TMEM196: variants seen among roughly 807,000 people sequenced by gnomAD.
TMEM196 encodes transmembrane protein 196.
In TMEM196, 17 loss-of-function variants were observed where a neutral mutation model predicts 20.0. The observed-to-expected ratio is 0.85, with a 90% CI of 0.58 to 1.27. The LOEUF (loss-of-function observed/expected upper bound fraction) is 1.27. Ranked by LOEUF, TMEM196 falls within the 50% of genes most tolerant of loss-of-function variation. The pLI is 0.00. For synonymous variants in TMEM196, 113 were observed against 88.9 expected (o/e 1.27, Z -1.52); for missense variants, 267 against 223.0 (o/e 1.20, Z -1.26).
chr7:19,749,285 G>T (rs1784873695), intron 1 of TMEM196, among the ~76,000 whole-genome samples: 1 of 152,176 alleles, frequency 6.6e-6, no homozygotes, highest in South Asian at 2.1e-4. Flanking sequence ...GATACGGAGA[G>T]AGCCAATCAA....
Position 19,772,817 on chromosome 7 carries a change from A to G in TMEM196, c.-121T>C. On this transcript the variant is annotated 5_prime_UTR_variant, in exon 1 of 5. Transcript: ENST00000405844. ...AGATCCCAAAACTTTTCTTTCTTCA[A>G]GAGCGAGGCATTATCCACAAGGGCT... 9.9e-7 allele frequency: 1 copy of G among 1,010,356 alleles called. No individual in the cohort carries two copies. The highest frequency in any genetic ancestry group is 1.3e-6 in the Non-Finnish European group (1 of 766,276). 62.6% of individuals were successfully genotyped at this position (1,010,356 alleles called of 1,614,324 possible).
intron 4 of TMEM196, among the ~76,000 whole-genome samples, chr7:19,722,479 T>C (rs1477249858): frequency 6.6e-6 from 1 of 152,142 alleles, no homozygotes; most frequent in Non-Finnish European, 1.5e-5. Context: ...TTCTAATGCA[T>C]AGACTCTGCT....
intron 1 of TMEM196, among the ~76,000 whole-genome samples, chr7:19,739,036 T>A (rs1020694189): frequency 1.3e-5 from 2 of 152,158 alleles, no homozygotes; most frequent in Non-Finnish European, 2.9e-5. Context: ...ATCATGTTGA[T>A]GGTACATATC....
chr7:19,764,770 T>G (rs533720816), intron 1 of TMEM196, among the ~76,000 whole-genome samples: 1 of 152,152 alleles, frequency 6.6e-6, no homozygotes, highest in Non-Finnish European at 1.5e-5. Context: ...TGCAAAATTC[T>G]GGTAACATGG....
intron 1 of TMEM196, among the ~76,000 whole-genome samples, chr7:19,735,305 G>A (rs1251607465): frequency 5.3e-5 from 8 of 152,034 alleles, no homozygotes; most frequent in Non-Finnish European, 1.0e-4. Flanking sequence ...TAAATAATTC[G>A]AATAAAGTCA....
At chr7:19,745,931 G>C (rs544394551) in intron 1 of TMEM196, among the ~76,000 whole-genome samples, 51 of 151,938 alleles carry the variant, frequency 3.4e-4, no homozygotes, top group African/African-American at 1.1e-3. Context: ...AAATAACTCA[G>C]AGGACCTATA....
chr7:19,721,330 T>A lies in TMEM196; in HGVS notation c.*798A>T, dbSNP rs1783806098. On this transcript the variant is annotated 3_prime_UTR_variant, in exon 5 of 5. Transcript: ENST00000405844. ...TATAATATATGCTGTATACATGTTC[T>A]ATATTTACAGTATGTATACACACAT... The A allele has an allele frequency of 6.6e-6, 1 of 151,984 alleles. No individual in the cohort carries two copies. The highest frequency in any genetic ancestry group is 1.5e-5 in the Non-Finnish European group (1 of 67,854). 9.4% of individuals were successfully genotyped at this position (151,984 alleles called of 1,614,324 possible).
chr7:19,737,368 A>C (rs747224999), intron 1 of TMEM196, among the ~76,000 whole-genome samples: 2 of 152,050 alleles, frequency 1.3e-5, no homozygotes. Flanking sequence ...ACATATAGGA[A>C]TAGAAAATGG....
At chr7:19,766,292 A>G (rs1032069673) in intron 1 of TMEM196, among the ~76,000 whole-genome samples, 2 of 152,140 alleles carry the variant, frequency 1.3e-5, no homozygotes, top group Non-Finnish European at 2.9e-5. Context: ...AGGGGAAAGT[A>G]GTCACACAGT....
intron 3 of TMEM196, among the ~76,000 whole-genome samples, chr7:19,725,136 G>A (rs1267529958): frequency 2.0e-5 from 3 of 152,116 alleles, no homozygotes; most frequent in African/African-American, 7.2e-5. Flanking sequence ...CTCCTTAATA[G>A]AACAAGGGAA....
rs146598832 is a variant in TMEM196, at chr7:19,741,104, T to C, written c.148-11666A>G. Among the ~76,000 whole-genome samples, 330 of 152,190 alleles carry C rather than the reference T, an allele frequency of 2.2e-3. 2 individuals are homozygous for C. The highest frequency in any genetic ancestry group is 7.4e-3 in the African/African-American group (308 of 41,536). On this transcript the variant is annotated intron_variant, in intron 1 of 4. Transcript: ENST00000405844. The stretch of plus-strand genomic sequence containing the variant: ...CGACCCTCTAGAAAAAACAGATGGA[T>C]TGAAAAAGGAATTATGCTCTGTGAC...
intron 1 of TMEM196, among the ~76,000 whole-genome samples, chr7:19,755,679 A>G (rs1785180890): frequency 6.6e-6 from 1 of 152,204 alleles, no homozygotes; most frequent in Non-Finnish European, 1.5e-5. Flanking sequence ...GAATATGCCA[A>G]AAAATAACAC....
chr7:19,725,720 G>A lies in TMEM196; in HGVS notation c.253C>T (p.Leu85=), dbSNP rs144787947. ...ACTGCCCGGAGGAACTGAAAATTCA[G>A]GATGCCCCCAATAAGTCCACAGATA... ...CCICGLIGGI[L]NFQFLRAVTK... The change falls in exon 3 of 5, where the codon CTG becomes TTG. Residue 85 remains leucine, a synonymous_variant. Coordinates refer to ENST00000405844, the MANE Select transcript of TMEM196 (RefSeq NM_001363562.2). 197 of 1,613,214 alleles carry A rather than the reference G, an allele frequency of 1.2e-4. 1 individual carries two copies. Among genetic ancestry groups the A allele is most frequent in the Middle Eastern group, 5.0e-4 (3 of 6,058 alleles).
chr7:19,740,611 A>T (rs574013028), intron 1 of TMEM196, among the ~76,000 whole-genome samples: 1 of 151,996 alleles, frequency 6.6e-6, no homozygotes, highest in African/African-American at 2.4e-5. Flanking sequence ...ACTAACAAAA[A>T]CTCCCTAATC....
chr7:19,771,432 A>C (rs1179724906), intron 1 of TMEM196, among the ~76,000 whole-genome samples: 4 of 151,950 alleles, frequency 2.6e-5, no homozygotes, highest in Non-Finnish European at 5.9e-5. Context: ...TGCCAGTTTC[A>C]AAAAAAAGTT....
chr7:19,721,262 C>T lies in TMEM196; in HGVS notation c.*866G>A, dbSNP rs1474089944. The T allele has an allele frequency of 6.6e-6, 1 of 151,854 alleles. No homozygotes were observed. The highest frequency in any genetic ancestry group is 1.9e-4 in the East Asian group (1 of 5,190). The allele number at this position is 151,854 out of a possible 1,614,324, so 9.4% of individuals were successfully genotyped here. ...TAGAATCTTAATAATACCCCCACAG[C>T]ATCACAATTTCTTTTCTAATACCTA... On this transcript the variant is annotated 3_prime_UTR_variant, in exon 5 of 5. Transcript: ENST00000405844.
chr7:19,759,656 G>GCA (rs146563241), intron 1 of TMEM196, among the ~76,000 whole-genome samples: 4 of 150,996 alleles, frequency 2.6e-5, no homozygotes, highest in African/African-American at 4.9e-5. Flanking sequence ...ACACACGCAG[G>GCA]CACACACACA....
chr7:19,766,403 G>A (rs962792351), intron 1 of TMEM196, among the ~76,000 whole-genome samples: 67 of 151,882 alleles, frequency 4.4e-4, no homozygotes, highest in African/African-American at 1.1e-3. Context: ...CAGAGTGGCC[G>A]CAAGAAAATT....
At chr7:19,737,456 C>CT (rs1784449477) in intron 1 of TMEM196, among the ~76,000 whole-genome samples, 1 of 151,912 alleles carries the variant, frequency 6.6e-6, no homozygotes, top group Non-Finnish European at 1.5e-5. Context: ...AACAATTGTG[C>CT]TTTTAGGTAT....
Sources: allele counts gnomAD v4.1 joint callset (sites outside exome capture counted in the v4.1 genomes callset), GRCh38; gene constraint gnomAD v4.1.1; transcripts MANE v1.5; gene names NCBI Gene and HGNC (gene_info 2026-07-23, HGNC 2026-07-21).